CHID1: variants seen among roughly 807,000 people sequenced by gnomAD.
CHID1 encodes the protein chitinase domain-containing protein 1.
In CHID1, 44 loss-of-function variants were observed where a neutral mutation model predicts 55.4. The ratio of observed to expected loss-of-function variants is 0.79; its 90% CI spans 0.62 to 1.02. CHID1 has a LOEUF of 1.02. Among genes scored for constraint, CHID1 ranks in the 50% least tolerant of loss-of-function variants. The probability of loss-of-function intolerance (pLI) is 0.00; values close to 1 mark genes in which losing one functional copy is unlikely to be tolerated. For synonymous variants in CHID1, 216 were observed against 212.9 expected, an observed-to-expected ratio of 1.01 and a Z score of -0.13; for missense variants, 491 against 515.3, an observed-to-expected ratio of 0.95 and a Z score of 0.46.
In CHID1 at chr11:881,184, G is replaced by A. The variant is rs142678063; in HGVS notation, c.959+1964C>T. On this transcript the variant is annotated intron_variant, in intron 10 of 12. Coordinates refer to ENST00000323578, the MANE Select transcript of CHID1 (RefSeq NM_023947.4). ...GTTGGCTGGGCTTGGTGGCTCACGCGTGTCATCGCAGCACTTTGGGAGGCT... is the reference window on the plus strand; with the variant it reads ...GTTGGCTGGGCTTGGTGGCTCACGCATGTCATCGCAGCACTTTGGGAGGCT... 2.9e-3 allele frequency among the ~76,000 whole-genome samples: 440 copies of A among 152,254 alleles called. 2 individuals are homozygous for A. Among genetic ancestry groups the A allele is most frequent in the Non-Finnish European group, 5.0e-3 (342 of 68,008 alleles).
chr11:910,349 G>A (rs938313776), intron 1 of CHID1, among the ~76,000 whole-genome samples: 1 of 152,046 alleles, frequency 6.6e-6, no homozygotes, highest in Non-Finnish European at 1.5e-5. Flanking sequence ...CTGGGGACCC[G>A]ATGGCCACCA....
intron 10 of CHID1, among the ~76,000 whole-genome samples, chr11:877,924 A>G (rs773235249): frequency 5.9e-5 from 9 of 152,190 alleles, no homozygotes; most frequent in Non-Finnish European, 1.2e-4. Flanking sequence ...TAATCCATTC[A>G]TGGACTAGTG....
chr11:879,222 C>T (rs1849721311), intron 10 of CHID1, among the ~76,000 whole-genome samples: 1 of 152,062 alleles, frequency 6.6e-6, no homozygotes, highest in Non-Finnish European at 1.5e-5. Context: ...GAACTCTTGA[C>T]TTTGTGATCC....
At chr11:895,016 C>T (rs1851156935) in intron 7 of CHID1, among the ~76,000 whole-genome samples, 1 of 152,180 alleles carries the variant, frequency 6.6e-6, no homozygotes, top group East Asian at 1.9e-4. Flanking sequence ...CGTCCTCACG[C>T]CTCTGCAGCT....
chr11:902,893 C>A (rs1323333673), intron 3 of CHID1, 69 bp downstream of exon 3: 2 of 1,478,012 alleles, frequency 1.4e-6, no homozygotes, highest in Middle Eastern at 1.8e-4. Flanking sequence ...CAGAAGAGGC[C>A]ATCACGGGGC....
In CHID1 at chr11:875,890, G is replaced by A. The variant is rs959940587; in HGVS notation, c.960-5391C>T. ...AAGGAACGATGGGCTCCACTCTGCA[G>A]AGGACACAGTATAGGCTGGAGGAGC... On this transcript the variant is annotated intron_variant, in intron 10 of 12. Transcript: ENST00000323578. This position sits in a 1 kb window ranked among gnomAD's most constrained non-coding sequence, Gnocchi z 4.7. Among the ~76,000 whole-genome samples the A allele has an allele frequency of 6.6e-6, 1 of 152,180 alleles. No individual in the cohort carries two copies. Among genetic ancestry groups the A allele is most frequent in the African/African-American group, 2.4e-5 (1 of 41,442 alleles).
intron 1 of CHID1, 27 bp downstream of exon 1, chr11:910,748 G>A (rs1490255734): frequency 2.5e-5 from 30 of 1,197,708 alleles, no homozygotes; most frequent in South Asian, 1.5e-4. Flanking sequence ...AGGAGGAGGA[G>A]CAGGGGCCGG....
intron 10 of CHID1, among the ~76,000 whole-genome samples, chr11:878,420 A>C (rs1849662675): frequency 1.3e-5 from 2 of 149,608 alleles, no homozygotes; most frequent in South Asian, 2.2e-4. Context: ...ACAAAACAAA[A>C]CAAACCGTGG....
intron 10 of CHID1, 156 bp downstream of exon 10, chr11:882,992 C>T (rs994073034): frequency 5.1e-5 from 41 of 799,082 alleles, no homozygotes; most frequent in Non-Finnish European, 7.6e-5. Flanking sequence ...GGGTGGGCAC[C>T]AAGCAGGACC....
chr11:876,948 A>G (rs1253797453), intron 10 of CHID1, among the ~76,000 whole-genome samples: 2 of 152,156 alleles, frequency 1.3e-5, no homozygotes, highest in Admixed American at 6.5e-5. Context: ...GTGGTCCTGC[A>G]TCCAGGCTGG....
intron 5 of CHID1, 25 bp from the exon 6 acceptor site, chr11:900,135 G>A (rs771502010): frequency 8.8e-6 from 14 of 1,582,874 alleles, no homozygotes; most frequent in Non-Finnish European, 4.3e-6. Context: ...GACACACACG[G>A]GGGCCGTGAC....
At chr11:899,071 A>G (rs1851603447) in intron 7 of CHID1, among the ~76,000 whole-genome samples, 1 of 152,238 alleles carries the variant, frequency 6.6e-6, no homozygotes, top group Non-Finnish European at 1.5e-5. Flanking sequence ...CTGACCGCCC[A>G]AGGGAGGCAT....
At position 889,678 on chromosome 11, in the gene CHID1, C is replaced by A. The variant is rs575290165; in HGVS notation, c.701+3749G>T. 2.4e-4 allele frequency among the ~76,000 whole-genome samples: 37 copies of A among 152,276 alleles called. 1 individual carries two copies. In the South Asian group the frequency reaches 5.2e-3, roughly 21 times the overall value. On this transcript the variant is annotated intron_variant, in intron 8 of 12. Transcript: ENST00000323578. ...CGCCTGGCCCTATAGTTGCCACCTG[C>A]AGAGCCAGGCCCCACAGCAGCCCTG...
intron 1 of CHID1, among the ~76,000 whole-genome samples, chr11:907,860 G>A (rs1218499972): frequency 6.6e-6 from 1 of 152,152 alleles, no homozygotes; most frequent in Non-Finnish European, 1.5e-5. Context: ...CCAGAGCCAG[G>A]CCTACCACAG....
chr11:900,157 G>A (rs763353181), intron 5 of CHID1, 47 bp from the exon 6 acceptor site: 7 of 1,471,170 alleles, frequency 4.8e-6, no homozygotes, highest in Admixed American at 3.4e-5. Flanking sequence ...GGGAGATGCT[G>A]GAGGGCCCCT....
intron 7 of CHID1, among the ~76,000 whole-genome samples, chr11:894,316 C>T (rs927749503): frequency 6.6e-6 from 1 of 152,056 alleles, no homozygotes; most frequent in African/African-American, 2.4e-5. Flanking sequence ...CTCCTCTGGC[C>T]CCTGGAGGTG....
intron 7 of CHID1, among the ~76,000 whole-genome samples, chr11:896,966 C>T (rs1485047629): frequency 8.9e-6 from 1 of 112,526 alleles, no homozygotes; most frequent in Admixed American, 9.5e-5. Flanking sequence ...CACAACGAGC[C>T]TGTCTCAGCA....
intron 8 of CHID1, among the ~76,000 whole-genome samples, chr11:891,654 C>T (rs956121469): frequency 1.3e-5 from 2 of 152,202 alleles, no homozygotes; most frequent in African/African-American, 4.8e-5. Flanking sequence ...GGTGGCCATG[C>T]CCATGGCCTC....
upstream of CHID1, chr11:910,907 G>A (rs1005530910): frequency 4.3e-5 from 41 of 943,856 alleles, no homozygotes; most frequent in Admixed American, 1.2e-4. Flanking sequence ...GCTGGGCCAG[G>A]ACAGGGGACT....
Sources: allele counts gnomAD v4.1 joint callset (sites outside exome capture counted in the v4.1 genomes callset), GRCh38; gene constraint gnomAD v4.1.1; non-coding constraint Gnocchi (gnomAD v3.1); transcripts MANE v1.5; gene names NCBI Gene and HGNC (gene_info 2026-07-23, HGNC 2026-07-21).